FAT3: variants seen among roughly 807,000 people sequenced by gnomAD.
FAT3 encodes the protein protocadherin Fat 3.
Under a neutral mutation model 310.2 loss-of-function variants are expected in FAT3, and 95 were observed. The observed-to-expected ratio is 0.31, with a 90% CI of 0.26 to 0.36. FAT3 has a LOEUF of 0.36. Among genes scored for constraint, FAT3 ranks in the 10% least tolerant of loss-of-function variants. The pLI is 1.00. For synonymous variants in FAT3, 2,314 were observed against 2,192.9 expected (o/e 1.06, Z -1.54); for missense variants, 5,408 against 5,715.6 (o/e 0.95, Z 1.74).
At chr11:92,633,562 A>G (rs1269883199) in intron 3 of FAT3, among the ~76,000 whole-genome samples, 1 of 152,174 alleles carries the variant, frequency 6.6e-6, no homozygotes, top group Non-Finnish European at 1.5e-5. Flanking sequence ...GAGGACTGAC[A>G]CGGGGATTGG....
intron 2 of FAT3, among the ~76,000 whole-genome samples, chr11:92,473,638 G>A (rs1226270830): frequency 6.6e-6 from 1 of 152,112 alleles, no homozygotes; most frequent in African/African-American, 2.4e-5. Context: ...CCCAATGTTT[G>A]TGAGACATTT....
chr11:92,714,846 G>C (rs745965000), intron 4 of FAT3, among the ~76,000 whole-genome samples: 4 of 152,078 alleles, frequency 2.6e-5, no homozygotes, highest in African/African-American at 4.8e-5. Context: ...TTGAATGAAT[G>C]AATGAATGAA....
At chr11:92,419,601 G>T (rs983596863) in intron 2 of FAT3, among the ~76,000 whole-genome samples, 1 of 152,136 alleles carries the variant, frequency 6.6e-6, no homozygotes, top group African/African-American at 2.4e-5. Context: ...CCTTAGGTGT[G>T]TTGTAATAGC....
chr11:92,797,014 T>C (rs1348115482), intron 9 of FAT3, among the ~76,000 whole-genome samples: 1 of 152,186 alleles, frequency 6.6e-6, no homozygotes, highest in Admixed American at 6.5e-5. Context: ...TTCCCAACAG[T>C]TTCTTGGTAC....
intron 2 of FAT3, among the ~76,000 whole-genome samples, chr11:92,430,017 C>T (rs779990475): frequency 6.6e-6 from 1 of 152,296 alleles, no homozygotes; most frequent in Non-Finnish European, 1.5e-5. Context: ...GTATACTAAT[C>T]AAAGGTAGGT....
At chr11:92,448,884 C>T (rs1165348314) in intron 2 of FAT3, among the ~76,000 whole-genome samples, 1 of 152,176 alleles carries the variant, frequency 6.6e-6, no homozygotes, top group Non-Finnish European at 1.5e-5. Flanking sequence ...CTAGAATATG[C>T]TACAAGGCTC....
intron 14 of FAT3, 48 bp from the exon 15 acceptor site, chr11:92,834,822 C>G: frequency 7.0e-7 from 1 of 1,431,834 alleles, no homozygotes; most frequent in Non-Finnish European, 9.5e-7. Context: ...AATTGCTGAC[C>G]AGTGTTTTTT....
intron 3 of FAT3, among the ~76,000 whole-genome samples, chr11:92,549,261 C>T (rs1954721139): frequency 6.6e-6 from 1 of 152,042 alleles, no homozygotes; most frequent in Non-Finnish European, 1.5e-5. Flanking sequence ...TCATTTAGGG[C>T]CAGCAATAAT....
At chr11:92,614,993 G>A (rs11607933) in intron 3 of FAT3, among the ~76,000 whole-genome samples, 4 of 152,036 alleles carry the variant, frequency 2.6e-5, no homozygotes, top group African/African-American at 7.2e-5. Flanking sequence ...AATTGTCTTA[G>A]CACCTTTGTT....
chr11:92,229,702 A>C (rs1864088822), intron 1 of FAT3, among the ~76,000 whole-genome samples: 1 of 151,068 alleles, frequency 6.6e-6, no homozygotes, highest in African/African-American at 2.4e-5. Flanking sequence ...TACATGTAAT[A>C]GTGACAAATG....
In FAT3 at chr11:92,801,721, C is replaced by T. The variant is rs774850320; in HGVS notation, c.8708C>T (p.Ser2903Phe). The change falls in exon 10 of 28, where the codon TCT (serine) becomes TTT (phenylalanine). Residue 2903 changes from serine to phenylalanine, a missense_variant. By Grantham distance (155) the Ser-to-Phe change is radical. Around this residue, in one of 5 missense-constraint regions of FAT3, gnomAD observed 4,588 missense variants for 4,809.8 expected, o/e 0.95. Transcript: ENST00000525166. ...VVASDLGEAFSLSSTALVSVR... is the reference protein window; with the variant it reads ...VVASDLGEAFFLSSTALVSVR... ...GCCTCTGACCTTGGAGAGGCATTCT[C>T]TCTTTCCTCCACGGCCTTGGTCTCT... is the stretch of plus-strand genomic sequence containing the variant. 2 of 1,613,974 alleles carry T rather than the reference C, an allele frequency of 1.2e-6. No individual in the cohort carries two copies. The highest frequency in any genetic ancestry group is 1.7e-5 in the Admixed American group (1 of 60,024).
At chr11:92,600,117 G>A (rs1176588731) in intron 3 of FAT3, among the ~76,000 whole-genome samples, 1 of 151,938 alleles carries the variant, frequency 6.6e-6, no homozygotes, top group Non-Finnish European at 1.5e-5. Context: ...TTTTTTCTTT[G>A]TATAGCTGTC....
At position 92,403,502 on chromosome 11, in the gene FAT3, A is replaced by G. The variant is rs1176080002; in HGVS notation, c.3292+48098A>G. The G allele has an allele frequency of 3.3e-5, 5 of 152,318 alleles. 1 individual carries two copies. The South Asian group carries it at 1.0e-3, about 32-fold the overall frequency. 9.4% of individuals were successfully genotyped at this position (152,318 alleles called of 1,614,324 possible). ...GCCAGGTGGATATTGCAAAATGTAA[A>G]TGTGATAGGAGTTTAGAGATGAGAG... On this transcript the variant is annotated intron_variant, in intron 2 of 27. Coordinates refer to ENST00000525166, the MANE Select transcript of FAT3 (RefSeq NM_001367949.2).
chr11:92,651,289 G>A (rs1028991729), intron 3 of FAT3, among the ~76,000 whole-genome samples: 6 of 152,210 alleles, frequency 3.9e-5, no homozygotes, highest in Non-Finnish European at 7.3e-5. Flanking sequence ...TGCAGGTAAC[G>A]TGGAATTGTG....
rs769245960 is a variant in FAT3 at position 92,790,293 on chromosome 11, T to TA, written c.4611+76dup. On this transcript the variant is annotated intron_variant, in intron 8 of 27. Transcript: ENST00000525166. ...GGCCACACACATTAGCCTTCAGAAG[T>TA]ATAGGGCCCCTAAATTTTATAAGTA... The TA allele has an allele frequency of 9.8e-5, 141 of 1,433,896 alleles. No homozygotes were observed. In the Middle Eastern group the frequency reaches 1.3e-3, roughly 13 times the overall value. 88.8% of individuals were successfully genotyped at this position (1,433,896 alleles called of 1,614,324 possible).
chr11:92,777,118 C>T (rs910195277), intron 7 of FAT3, among the ~76,000 whole-genome samples: 1 of 152,232 alleles, frequency 6.6e-6, no homozygotes, highest in Non-Finnish European at 1.5e-5. Flanking sequence ...ATTCTACCAT[C>T]AAACAGATAA....
intron 1 of FAT3, among the ~76,000 whole-genome samples, chr11:92,295,214 C>G (rs1221052404): frequency 2.6e-5 from 4 of 152,124 alleles, no homozygotes; most frequent in Non-Finnish European, 5.9e-5. Context: ...TAAGATAATT[C>G]TTTACCCTGG....
chr11:92,731,638 A>T lies in FAT3; in HGVS notation c.3670-30218A>T, dbSNP rs568596650. Among the ~76,000 whole-genome samples, 5 of 152,124 alleles carry T rather than the reference A, an allele frequency of 3.3e-5. 1 individual carries two copies. The South Asian group carries it at 1.0e-3, about 32-fold the overall frequency. On this transcript the variant is annotated intron_variant, in intron 4 of 27. Transcript: ENST00000525166. ...TTCATATCATCTAAAGTCTAGGATA[A>T]TGATAGTGTCTTACTCTCTGGTGGC...
Position 92,837,749 on chromosome 11 carries a change from T to C in FAT3, c.10311T>C (p.Ser3437=). ...CTGCAACTGTCAACATTGATATTTC[T>C]GATGTGAATGACAACAGCCCGGTGT... ...SSTATVNIDI[S]DVNDNSPVFT... The change falls in exon 17 of 28, where the codon TCT becomes TCC. Residue 3437 remains serine, a synonymous_variant. Transcript: ENST00000525166. The C allele has an allele frequency of 6.2e-7, 1 of 1,614,018 alleles. No homozygotes were observed. Among genetic ancestry groups the C allele is most frequent in the Non-Finnish European group, 8.5e-7 (1 of 1,179,900 alleles).
Sources: gnomAD v4.1 joint callset for allele counts (sites outside exome capture counted in the v4.1 genomes callset) on GRCh38, gnomAD v4.1.1 for gene constraint, gnomAD v4.1.1 regional missense constraint, MANE v1.5 for transcripts, NCBI Gene and HGNC (gene_info 2026-07-23, HGNC 2026-07-21) for gene names.